SETBP1: variants seen among roughly 807,000 people sequenced by gnomAD.
SETBP1 encodes the protein SET binding protein 1, also known as SET-binding protein.
A neutral mutation model predicts 101.0 loss-of-function variants in SETBP1; 9 were observed. The observed-to-expected ratio is 0.09, with a 90% CI of 0.05 to 0.16. The LOEUF (loss-of-function observed/expected upper bound fraction) is 0.16, where lower values mean the gene tolerates loss of function less well. SETBP1 is among the 10% of genes least tolerant of loss of function. SETBP1 has a pLI of 1.00. For synonymous variants in SETBP1, 818 were observed against 788.5 expected (o/e 1.04, Z -0.63); for missense variants, 1,858 against 2,033.8 (o/e 0.91, Z 1.66).
chr18:44,731,652 A>ACACACG (rs534282324), intron 2 of SETBP1, among the ~76,000 whole-genome samples: 15 of 151,866 alleles, frequency 9.9e-5, no homozygotes, highest in African/African-American at 3.6e-4. Flanking sequence ...ACACACACAC[A>ACACACG]CGCGCACGCA....
chr18:44,920,229 T>C (rs1295346438), intron 3 of SETBP1, among the ~76,000 whole-genome samples: 1 of 152,158 alleles, frequency 6.6e-6, no homozygotes, highest in Non-Finnish European at 1.5e-5. Context: ...CACTCTCGCA[T>C]GCCTGTTATC....
At chr18:44,892,490 T>C (rs1360898012) in intron 3 of SETBP1, among the ~76,000 whole-genome samples, 1 of 152,190 alleles carries the variant, frequency 6.6e-6, no homozygotes, top group East Asian at 1.9e-4. Flanking sequence ...TTGTGTTGAA[T>C]TTTAGCTCTA....
At chr18:44,713,086 G>A (rs1278350515) in intron 2 of SETBP1, among the ~76,000 whole-genome samples, 2 of 150,276 alleles carry the variant, frequency 1.3e-5, no homozygotes, top group African/African-American at 4.9e-5. Flanking sequence ...AGCCTCCCAA[G>A]CAGCTGGGAC....
At chr18:44,708,240 C>G (rs2144246951) in intron 2 of SETBP1, among the ~76,000 whole-genome samples, 1 of 152,270 alleles carries the variant, frequency 6.6e-6, no homozygotes, top group Admixed American at 6.5e-5. Context: ...AGCACTTTCT[C>G]TGGTCACTCC....
At chr18:44,920,514 T>C (rs939790765) in intron 3 of SETBP1, among the ~76,000 whole-genome samples, 2 of 152,222 alleles carry the variant, frequency 1.3e-5, no homozygotes, top group East Asian at 3.8e-4. Flanking sequence ...GTAATTCGGC[T>C]AAGCCCGGCA....
At chr18:45,053,557 C>T (rs889171616) in intron 5 of SETBP1, among the ~76,000 whole-genome samples, 16 of 152,154 alleles carry the variant, frequency 1.1e-4, no homozygotes, top group Non-Finnish European at 1.3e-4. Context: ...TGTTTTCCAT[C>T]AGATTGCCAA....
At position 44,770,293 on chromosome 18, in the gene SETBP1, T is replaced by G. The variant is rs200283776; in HGVS notation, c.486+68461T>G. On this transcript the variant is annotated intron_variant, in intron 2 of 5. Transcript: ENST00000649279. ...TAAGTAAAACGTGCTGAGTATTGGCTGGGAGCCTGGAAGAAAACAGCACCT... is the reference window on the plus strand; with the variant it reads ...TAAGTAAAACGTGCTGAGTATTGGCGGGGAGCCTGGAAGAAAACAGCACCT... Among the ~76,000 whole-genome samples the G allele has an allele frequency of 8.5e-5, 13 of 152,334 alleles. 1 individual carries two copies. The East Asian group carries it at 2.3e-3, about 27-fold the overall frequency.
At chr18:44,887,601 G>A (rs761611016) in intron 3 of SETBP1, among the ~76,000 whole-genome samples, 65 of 152,198 alleles carry the variant, frequency 4.3e-4, no homozygotes, top group Non-Finnish European at 7.4e-4. Context: ...TAAGTCCTTA[G>A]TGGCAGGAAA....
chr18:44,910,578 C>G (rs970582884), intron 3 of SETBP1, among the ~76,000 whole-genome samples: 1 of 152,184 alleles, frequency 6.6e-6, no homozygotes, highest in African/African-American at 2.4e-5. Context: ...GGGCCAGTGT[C>G]CTGCCCATGG....
At chr18:44,711,923 G>A (rs2069356998) in intron 2 of SETBP1, among the ~76,000 whole-genome samples, 1 of 152,040 alleles carries the variant, frequency 6.6e-6, no homozygotes, top group South Asian at 2.1e-4. Context: ...TGTATATCTT[G>A]AGTCTGCATT....
At chr18:44,734,094 C>A (rs928257191) in intron 2 of SETBP1, among the ~76,000 whole-genome samples, 8 of 152,160 alleles carry the variant, frequency 5.3e-5, no homozygotes, top group African/African-American at 1.9e-4. Context: ...CTGTTGAGGC[C>A]TGGTCCAGGG....
chr18:44,807,406 A>T (rs896789426), intron 2 of SETBP1, among the ~76,000 whole-genome samples: 9 of 151,880 alleles, frequency 5.9e-5, no homozygotes, highest in African/African-American at 2.2e-4. Context: ...AACTTTTTCT[A>T]TCCTATTTTA....
At chr18:44,844,352 C>CGT (rs1431891145) in intron 2 of SETBP1, among the ~76,000 whole-genome samples, 3 of 117,364 alleles carry the variant, frequency 2.6e-5, no homozygotes, top group African/African-American at 6.2e-5. Flanking sequence ...CACACACGCG[C>CGT]GCACACACAC....
chr18:44,955,589 A>G (rs2071464654), intron 4 of SETBP1, among the ~76,000 whole-genome samples: 1 of 152,178 alleles, frequency 6.6e-6, no homozygotes, highest in African/African-American at 2.4e-5. Flanking sequence ...TTTTATTCCT[A>G]TATTACAGAT....
In SETBP1 at chr18:45,045,632, A is replaced by C. The variant is rs151321224; in HGVS notation, c.4171+6977A>C. Among the ~76,000 whole-genome samples the C allele has an allele frequency of 4.6e-3, 700 of 152,150 alleles. 8 individuals carry two copies. Among genetic ancestry groups the C allele is most frequent in the African/African-American group, 0.015 (614 of 41,432 alleles). ...GCCATGAAATGCTCTGGTTGAATGC[A>C]TGTGTTCTGGCTTTATATTGCCTGT... On this transcript the variant is annotated intron_variant, in intron 5 of 5. Transcript: ENST00000649279.
At chr18:44,848,152 T>G (rs747120497) in intron 2 of SETBP1, among the ~76,000 whole-genome samples, 1 of 152,010 alleles carries the variant, frequency 6.6e-6, no homozygotes, top group African/African-American at 2.4e-5. Context: ...TAACTAGGAT[T>G]GTAAACTACT....
intron 4 of SETBP1, among the ~76,000 whole-genome samples, chr18:44,954,230 C>A (rs1199053526): frequency 6.6e-6 from 1 of 151,044 alleles, no homozygotes; most frequent in Non-Finnish European, 1.5e-5. Context: ...ATCCCTTTGA[C>A]CCTGGCCTTA....
intron 3 of SETBP1, among the ~76,000 whole-genome samples, chr18:44,913,469 T>TGCATAGAG (rs1461147508): frequency 6.6e-6 from 1 of 152,214 alleles, no homozygotes; most frequent in East Asian, 1.9e-4. Context: ...AGCAGAGACA[T>TGCATAGAG]GCATAGAGGG....
chr18:45,011,529 CT>C (rs2072837902), intron 4 of SETBP1, among the ~76,000 whole-genome samples: 1 of 152,240 alleles, frequency 6.6e-6, no homozygotes. Context: ...AAAAATGTAA[CT>C]GCTGCGCTGA....
Sources: allele counts gnomAD v4.1 joint callset (sites outside exome capture counted in the v4.1 genomes callset), GRCh38; gene constraint gnomAD v4.1.1; transcripts MANE v1.5; gene names NCBI Gene and HGNC (gene_info 2026-07-23, HGNC 2026-07-21).